The following USP44 variants were observed in gnomAD, a reference collection of about 807,000 sequenced individuals.
The protein encoded by USP44 is ubiquitin carboxyl-terminal hydrolase 44.
Under a neutral mutation model 69.0 loss-of-function variants are expected in USP44, and 61 were observed. The observed-to-expected ratio is 0.88, with a 90% CI of 0.72 to 1.09. The LOEUF (loss-of-function observed/expected upper bound fraction) is 1.09, where lower values mean the gene tolerates loss of function less well. USP44 is among the 50% of genes least tolerant of loss of function. USP44 has a pLI of 0.00. For synonymous variants in USP44, 297 were observed against 295.4 expected, an observed-to-expected ratio of 1.01 and a Z score of -0.06; for missense variants, 753 against 849.9, an observed-to-expected ratio of 0.89 and a Z score of 1.42.
At chr12:95,530,646 T>TATAGATAGATAGATAGATAG (rs56051106) in intron 2 of USP44, among the ~76,000 whole-genome samples, 9 of 147,450 alleles carry the variant, frequency 6.1e-5, no homozygotes, top group East Asian at 2.0e-4. Flanking sequence ...CTACTGGAAA[T>TATAGATAGATAGATAGATAG]ATAGATAGAT....
At chr12:95,537,761 C>T (rs2077253891) in intron 1 of USP44, among the ~76,000 whole-genome samples, 1 of 152,160 alleles carries the variant, frequency 6.6e-6, no homozygotes. Context: ...GGTGAGAATA[C>T]ATTTATTCTG....
At chr12:95,527,817 G>GT (rs1260504614) in intron 3 of USP44, among the ~76,000 whole-genome samples, 2 of 140,738 alleles carry the variant, frequency 1.4e-5, no homozygotes, top group Non-Finnish European at 3.1e-5. Context: ...TTTATACACT[G>GT]TTTCCTTGGA....
intron 2 of USP44, among the ~76,000 whole-genome samples, chr12:95,529,428 TC>T (rs2076951614): frequency 6.6e-6 from 1 of 150,864 alleles, no homozygotes; most frequent in South Asian, 2.1e-4. Context: ...GTTTCTTTCA[TC>T]TTTTTTTTTT....
chr12:95,550,662 A>C (rs1207028352), intron 1 of USP44, among the ~76,000 whole-genome samples: 1 of 152,216 alleles, frequency 6.6e-6, no homozygotes, highest in African/African-American at 2.4e-5. Context: ...ATAATGCCAT[A>C]AAACCATTCT....
Position 95,543,174 on chromosome 12 carries a change from G to A in USP44, c.-71+8098C>T, listed in dbSNP as rs1310925474. On this transcript the variant is annotated intron_variant, in intron 1 of 5. Coordinates refer to ENST00000258499, the MANE Select transcript of USP44 (RefSeq NM_032147.5). ...CCAGCACTTTGGGAGGCTGAGGCAG[G>A]TGGATCACTTGAGGTCAGGAGTTCA... 2.6e-5 allele frequency among the ~76,000 whole-genome samples: 4 copies of A among 151,786 alleles called. No homozygotes were observed. The East Asian group carries it at 7.7e-4, about 29-fold the overall frequency.
chr12:95,531,104 C>T (rs2077006292), intron 2 of USP44, among the ~76,000 whole-genome samples: 1 of 151,914 alleles, frequency 6.6e-6, no homozygotes, highest in Non-Finnish European at 1.5e-5. Flanking sequence ...GTGGAGCTTG[C>T]AGTGAGCCGA....
intron 1 of USP44, among the ~76,000 whole-genome samples, chr12:95,547,356 AAGAT>A (rs1189706817): frequency 1.3e-5 from 2 of 152,230 alleles, no homozygotes; most frequent in South Asian, 2.1e-4. Flanking sequence ...ACTATGAAAA[AAGAT>A]AGAATGGGGA....
At chr12:95,540,921 T>C (rs2077365880) in intron 1 of USP44, among the ~76,000 whole-genome samples, 1 of 152,190 alleles carries the variant, frequency 6.6e-6, no homozygotes, top group Non-Finnish European at 1.5e-5. Flanking sequence ...ACATATTCAT[T>C]ACACAAAAAT....
intron 1 of USP44, among the ~76,000 whole-genome samples, chr12:95,543,406 CAAAAA>C (rs60127958): frequency 2.3e-5 from 1 of 43,164 alleles, no homozygotes; most frequent in East Asian, 6.5e-4. Flanking sequence ...GACTCTTTCT[CAAAAA>C]AAAAAAAAAA....
intron 3 of USP44, among the ~76,000 whole-genome samples, chr12:95,527,836 CTTTT>C (rs760231106): frequency 3.6e-5 from 2 of 54,832 alleles, no homozygotes; most frequent in African/African-American, 8.6e-5. Flanking sequence ...GAGGAAGATG[CTTTT>C]TTTTTTTTTT....
At chr12:95,545,066 C>T (rs1467899219) in intron 1 of USP44, among the ~76,000 whole-genome samples, 1 of 152,138 alleles carries the variant, frequency 6.6e-6, no homozygotes, top group Non-Finnish European at 1.5e-5. Context: ...ACTTCCCAAA[C>T]ATCTTTTGTT....
chr12:95,524,150 G>A (rs965929904), intron 4 of USP44, among the ~76,000 whole-genome samples: 18 of 151,962 alleles, frequency 1.2e-4, no homozygotes, highest in African/African-American at 1.7e-4. Flanking sequence ...GTGCGATATC[G>A]GCTCACTGCA....
intron 1 of USP44, among the ~76,000 whole-genome samples, chr12:95,543,319 T>G (rs1443982768): frequency 6.8e-6 from 1 of 146,350 alleles, no homozygotes; most frequent in Non-Finnish European, 1.5e-5. Context: ...GAGAATCACT[T>G]GAACCTGGGA....
intron 2 of USP44, among the ~76,000 whole-genome samples, chr12:95,529,635 G>T (rs1043856981): frequency 1.6e-4 from 25 of 152,154 alleles, no homozygotes; most frequent in African/African-American, 6.0e-4. Context: ...TGGCCAGGAT[G>T]GTCTTGAACT....
chr12:95,546,276 C>T (rs2077568097), intron 1 of USP44, among the ~76,000 whole-genome samples: 1 of 152,234 alleles, frequency 6.6e-6, no homozygotes, highest in Non-Finnish European at 1.5e-5. Flanking sequence ...TAGACTCTGT[C>T]ATTCCAGCAC....
At position 95,530,676 on chromosome 12, in the gene USP44, T is replaced by TAGATAGAC. The variant is rs2076989827; in HGVS notation, c.1429-1675_1429-1674insGTCTATCT. Among the ~76,000 whole-genome samples, 3 of 150,420 alleles carry TAGATAGAC rather than the reference T, an allele frequency of 2.0e-5. No homozygotes were observed. In the South Asian group the frequency reaches 6.2e-4, roughly 31 times the overall value. On this transcript the variant is annotated intron_variant, in intron 2 of 5. Coordinates refer to ENST00000258499, the MANE Select transcript of USP44 (RefSeq NM_032147.5). The stretch of plus-strand genomic sequence containing the variant: ...ATAGATAGATAGATAGATAGATAGA[T>TAGATAGAC]AGATAGATAGATAGATATAAAAGAA...
intron 1 of USP44, among the ~76,000 whole-genome samples, chr12:95,543,614 G>A (rs947916887): frequency 1.3e-5 from 2 of 151,846 alleles, no homozygotes; most frequent in African/African-American, 4.8e-5. Flanking sequence ...CCAGCTACTT[G>A]AAAGCTACAA....
intron 1 of USP44, among the ~76,000 whole-genome samples, chr12:95,538,353 T>A (rs1398314824): frequency 6.6e-6 from 1 of 152,128 alleles, no homozygotes; most frequent in African/African-American, 2.4e-5. Flanking sequence ...ACATCTTAGC[T>A]GCCAATAGTA....
intron 1 of USP44, among the ~76,000 whole-genome samples, chr12:95,542,313 A>G (rs2077415327): frequency 6.6e-6 from 1 of 152,230 alleles, no homozygotes; most frequent in South Asian, 2.1e-4. Context: ...ATGGTCAGGA[A>G]AAGACTATAT....
Sources: allele counts gnomAD v4.1 joint callset (sites outside exome capture counted in the v4.1 genomes callset), GRCh38; gene constraint gnomAD v4.1.1; transcripts MANE v1.5; gene names NCBI Gene and HGNC (gene_info 2026-07-23, HGNC 2026-07-21).